The following DLGAP4 variants were observed in gnomAD, a reference collection of about 807,000 sequenced individuals.
DLGAP4 encodes DLG associated protein 4, also known as disks large-associated protein 4.
A neutral mutation model predicts 86.9 loss-of-function variants in DLGAP4; 18 were observed. That is an observed-to-expected ratio of 0.21 (90% CI 0.14 to 0.31). The LOEUF is 0.31. Among genes scored for constraint, DLGAP4 ranks in the 10% least tolerant of loss-of-function variants. The pLI is 1.00. For missense variants in DLGAP4, 1,085 were observed against 1,362.6 expected, an observed-to-expected ratio of 0.80 and a Z score of 3.21; for synonymous variants, 548 against 574.3, an observed-to-expected ratio of 0.95 and a Z score of 0.65.
At position 36,467,128 on chromosome 20, in the gene DLGAP4, A is replaced by C. The variant is rs79457219; in HGVS notation, c.1648+20191A>C. On this transcript the variant is annotated intron_variant, in intron 7 of 12. Transcript: ENST00000339266. ...CCAGGCTCTGAGAGGATGGGGATTA[A>C]TAGACAGACAAGGCGTCTCTGCCCT... 3.7e-3 allele frequency among the ~76,000 whole-genome samples: 564 copies of C among 150,448 alleles called. 5 individuals carry two copies. The highest frequency in any genetic ancestry group is 0.014 in the African/African-American group (547 of 40,412).
chr20:36,389,581 AGGTTTCCT>A (rs1182000495), intron 2 of DLGAP4, among the ~76,000 whole-genome samples: 1 of 152,212 alleles, frequency 6.6e-6, no homozygotes, highest in Non-Finnish European at 1.5e-5. Context: ...TAAGCTGTGA[AGGTTTCCT>A]GATTGATTCA....
chr20:36,329,048 AC>A (rs1569457603), intron 1 of DLGAP4, among the ~76,000 whole-genome samples: 1 of 152,204 alleles, frequency 6.6e-6, no homozygotes, highest in Non-Finnish European at 1.5e-5. Context: ...TGCTGGGATT[AC>A]AGGTGTGAGC....
intron 1 of DLGAP4, among the ~76,000 whole-genome samples, chr20:36,335,606 G>A (rs972006534): frequency 2.0e-5 from 3 of 152,238 alleles, no homozygotes; most frequent in African/African-American, 7.2e-5. Flanking sequence ...CAGCTGCTCC[G>A]GACACATCAG....
intron 11 of DLGAP4, 82 bp from the exon 12 acceptor site, chr20:36,525,769 G>A (rs2037715825): frequency 1.3e-6 from 2 of 1,580,542 alleles, no homozygotes; most frequent in Non-Finnish European, 1.7e-6. Flanking sequence ...AGGGCCCAGA[G>A]GAACCCTGCT....
intron 2 of DLGAP4, among the ~76,000 whole-genome samples, chr20:36,406,278 G>C (rs1032809904): frequency 1.3e-5 from 2 of 151,784 alleles, no homozygotes; most frequent in Non-Finnish European, 1.5e-5. Flanking sequence ...GGCGCCTGTA[G>C]TCCCAGCTAC....
intron 1 of DLGAP4, among the ~76,000 whole-genome samples, chr20:36,366,355 C>G (rs541225612): frequency 6.6e-6 from 1 of 152,278 alleles, no homozygotes; most frequent in East Asian, 1.9e-4. Flanking sequence ...GCCACCGCAC[C>G]CAGCCTGGTT....
At chr20:36,427,481 A>G (rs2033007640) in intron 2 of DLGAP4, among the ~76,000 whole-genome samples, 1 of 151,148 alleles carries the variant, frequency 6.6e-6, no homozygotes, top group Non-Finnish European at 1.5e-5. Context: ...CCATCAAAAG[A>G]AAGAAGTGGG....
intron 7 of DLGAP4, chr20:36,462,664 A>C: frequency 1.3e-6 from 2 of 1,545,758 alleles, no homozygotes; most frequent in Non-Finnish European, 1.7e-6. Context: ...CCGAGGCTCC[A>C]TGGGGTTGGC....
At chr20:36,433,129 G>T (rs2034546787) in intron 3 of DLGAP4, among the ~76,000 whole-genome samples, 2 of 152,194 alleles carry the variant, frequency 1.3e-5, no homozygotes, top group Admixed American at 6.5e-5. Context: ...CCCAGGACAG[G>T]ATCTGGCATG....
chr20:36,513,554 CAA>C (rs562398294), intron 10 of DLGAP4, among the ~76,000 whole-genome samples: 20 of 40,562 alleles, frequency 4.9e-4, no homozygotes, highest in Non-Finnish European at 7.2e-4. Flanking sequence ...GACTCCGTCT[CAA>C]AAAAAAAAAA....
intron 7 of DLGAP4, among the ~76,000 whole-genome samples, chr20:36,464,268 C>T (rs1434972709): frequency 6.6e-6 from 1 of 152,188 alleles, no homozygotes; most frequent in Non-Finnish European, 1.5e-5. Context: ...ATCATGGAAT[C>T]CCTCAAGAAT....
At chr20:36,415,412 C>T (rs2032623967) in intron 2 of DLGAP4, among the ~76,000 whole-genome samples, 1 of 152,206 alleles carries the variant, frequency 6.6e-6, no homozygotes, top group Non-Finnish European at 1.5e-5. Flanking sequence ...CCTCTCTGAA[C>T]TTCTAGATGG....
intron 7 of DLGAP4, among the ~76,000 whole-genome samples, chr20:36,477,064 T>TA (rs2034977645): frequency 2.6e-5 from 4 of 151,814 alleles, no homozygotes; most frequent in African/African-American, 9.7e-5. Flanking sequence ...TTAACTCTTA[T>TA]GGTAGTGATT....
chr20:36,408,184 G>C (rs982014862), intron 2 of DLGAP4, among the ~76,000 whole-genome samples: 1 of 151,944 alleles, frequency 6.6e-6, no homozygotes, highest in African/African-American at 2.4e-5. Flanking sequence ...CTGAGACAAG[G>C]ATTGTGGGGG....
intron 2 of DLGAP4, among the ~76,000 whole-genome samples, chr20:36,370,029 CG>C (rs763094794): frequency 1.3e-5 from 2 of 152,108 alleles, no homozygotes; most frequent in Admixed American, 1.3e-4. Context: ...GTGCAAGGAT[CG>C]GGGTCCAGGA....
In DLGAP4 at chr20:36,424,737, TG is replaced by T. The variant is rs1461008115; in HGVS notation, c.-72-6908del. Reference sequence around the variant, plus strand: ...CTCCTGTTTTTTTGTTTGTTTTGTTTGTTTTTTTTTTTTTTTGAGACAGAGT... The same window carrying T: ...CTCCTGTTTTTTTGTTTGTTTTGTTTTTTTTTTTTTTTTTTGAGACAGAGT... On this transcript the variant is annotated intron_variant, in intron 2 of 12. Coordinates refer to ENST00000339266, the MANE Select transcript of DLGAP4 (RefSeq NM_001365621.2). 2.3e-4 allele frequency among the ~76,000 whole-genome samples: 32 copies of T among 136,456 alleles called. 1 individual carries two copies. The highest frequency in any genetic ancestry group is 8.5e-4 in the African/African-American group (32 of 37,774). The allele number at this position is 136,456 out of a possible 152,430, so 89.5% of individuals were successfully genotyped here. A position where few individuals can be genotyped will look rare whatever the true frequency, so the allele number is the denominator to read the frequency against.
chr20:36,527,297 C>CTAGA lies in DLGAP4; in HGVS notation c.*272_*275dup, dbSNP rs966293016. On this transcript the variant is annotated 3_prime_UTR_variant, in exon 13 of 13. Coordinates refer to ENST00000339266, the MANE Select transcript of DLGAP4 (RefSeq NM_001365621.2). ...TTTTCCTCTTGCTGGCCGTGGTGGACTAGATAGATGGACGTCGGCAACTCC... is the reference window on the plus strand; with the variant it reads ...TTTTCCTCTTGCTGGCCGTGGTGGACTAGATAGATAGATGGACGTCGGCAACTCC... 3.6e-5 allele frequency: 12 copies of CTAGA among 334,636 alleles called. No homozygotes were observed. Among genetic ancestry groups the CTAGA allele is most frequent in the Middle Eastern group, 9.2e-4 (1 of 1,086 alleles). 20.7% of individuals were successfully genotyped at this position (334,636 alleles called of 1,614,324 possible).
At chr20:36,414,413 A>G (rs1056434393) in intron 2 of DLGAP4, among the ~76,000 whole-genome samples, 2 of 152,220 alleles carry the variant, frequency 1.3e-5, no homozygotes, top group African/African-American at 4.8e-5. Context: ...CTCTTCTGCA[A>G]GGCCCCAGGA....
chr20:36,510,558 C>G (rs1022507092), intron 10 of DLGAP4, among the ~76,000 whole-genome samples: 70 of 152,272 alleles, frequency 4.6e-4, no homozygotes, highest in African/African-American at 1.6e-3. Context: ...AGCCACTGAG[C>G]CTGGCTGACT....
Sources: gnomAD v4.1 joint callset for allele counts (sites outside exome capture counted in the v4.1 genomes callset) on GRCh38, gnomAD v4.1.1 for gene constraint, MANE v1.5 for transcripts, NCBI Gene and HGNC (gene_info 2026-07-23, HGNC 2026-07-21) for gene names.